The following MVB12B variants were observed in gnomAD, a reference collection of about 807,000 sequenced individuals.
MVB12B encodes the protein multivesicular body subunit 12B.
MVB12B carries 16 observed loss-of-function variants against 41.6 expected under a neutral mutation model. That is an observed-to-expected ratio of 0.38 (90% confidence interval 0.26 to 0.58). MVB12B has a LOEUF of 0.58. Ranked by LOEUF, MVB12B falls within the 20% of genes least tolerant of loss-of-function variation. MVB12B has a pLI of 0.62. For missense variants in MVB12B, 274 were observed against 380.2 expected (o/e 0.72, Z 2.32); for synonymous variants, 133 against 139.7 (o/e 0.95, Z 0.34).
chr9:126,356,969 A>G (rs1317083499), intron 2 of MVB12B, among the ~76,000 whole-genome samples: 2 of 152,004 alleles, frequency 1.3e-5, no homozygotes, highest in Admixed American at 1.3e-4. Context: ...CCTTGTCTTT[A>G]TAAATTACCT....
chr9:126,431,434 G>A lies in MVB12B; in HGVS notation c.757+9486G>A, dbSNP rs551827720. On this transcript the variant is annotated intron_variant, in intron 7 of 9. Transcript: ENST00000361171. The stretch of plus-strand genomic sequence containing the variant: ...GTACCTTTGGTTTTTTGGAGGAAAA[G>A]TGCCTGGGGGGCTGATTTCTGCTCT... Among the ~76,000 whole-genome samples the A allele has an allele frequency of 2.6e-5, 4 of 152,340 alleles. No individual in the cohort carries two copies. The East Asian group carries it at 5.8e-4, about 22-fold the overall frequency.
intron 2 of MVB12B, among the ~76,000 whole-genome samples, chr9:126,373,355 ATTGAGT>A (rs1023767935): frequency 7.2e-5 from 11 of 152,202 alleles, no homozygotes; most frequent in Non-Finnish European, 1.5e-4. Flanking sequence ...CGCTGCTCTT[ATTGAGT>A]TTAAGTGGCT....
At chr9:126,474,586 C>G (rs1408727590) in intron 7 of MVB12B, among the ~76,000 whole-genome samples, 1 of 152,204 alleles carries the variant, frequency 6.6e-6, no homozygotes, top group East Asian at 1.9e-4. Context: ...CCCTAGCTCC[C>G]CAGCAAGTCG....
chr9:126,446,916 ATTAG>A (rs201642131), intron 7 of MVB12B, among the ~76,000 whole-genome samples: 57,101 of 128,898 alleles, frequency 0.44, 11,853 homozygotes, highest in East Asian at 0.68. Flanking sequence ...TTTTATCTGT[ATTAG>A]TTCTTTTTTT....
In MVB12B at chr9:126,505,656, GTGTGTGTGTGTGTGTGTGTGTGTA is replaced by G. The variant is rs1834050657; in HGVS notation, c.*2395_*2418del. 1 of 129,696 alleles carries G rather than the reference GTGTGTGTGTGTGTGTGTGTGTGTA, an allele frequency of 7.7e-6. No individual in the cohort carries two copies. The highest frequency in any genetic ancestry group is 1.7e-5 in the Non-Finnish European group (1 of 60,516). The allele number at this position is 129,696 out of a possible 1,614,324, so 8.0% of individuals were successfully genotyped here. A position where few individuals can be genotyped will look rare whatever the true frequency, so the allele number is the denominator to read the frequency against. ...GGTGGGTGAGGACAAGCATGTGCCT[GTGTGTGTGTGTGTGTGTGTGTGTA>G]TATGTGTGTGTGTGCACGCACATGC... On this transcript the variant is annotated 3_prime_UTR_variant, in exon 10 of 10. Coordinates refer to ENST00000361171, the MANE Select transcript of MVB12B (RefSeq NM_033446.3).
chr9:126,459,809 G>A lies in MVB12B; in HGVS notation c.758-21560G>A, dbSNP rs968777536. Among the ~76,000 whole-genome samples the A allele has an allele frequency of 3.9e-5, 6 of 152,180 alleles. No individual in the cohort carries two copies. Among genetic ancestry groups the A allele is most frequent in the Admixed American group, 1.3e-4 (2 of 15,282 alleles). ...GACCTGCCACTCTCCCACAGGGGCCGCTTGTCTCACAGTCAGAATCGCCAG... is the reference window on the plus strand; with the variant it reads ...GACCTGCCACTCTCCCACAGGGGCCACTTGTCTCACAGTCAGAATCGCCAG... On this transcript the variant is annotated intron_variant, in intron 7 of 9. Coordinates refer to ENST00000361171, the MANE Select transcript of MVB12B (RefSeq NM_033446.3). The surrounding 1 kb of genome is among the most constrained non-coding windows in gnomAD (Gnocchi z 4.3).
At chr9:126,450,170 G>A (rs944659593) in intron 7 of MVB12B, among the ~76,000 whole-genome samples, 3 of 152,264 alleles carry the variant, frequency 2.0e-5, no homozygotes, top group African/African-American at 4.8e-5. Flanking sequence ...CAGGTGATGA[G>A]TCCTGCTGCT....
chr9:126,450,043 C>G (rs530869842), intron 7 of MVB12B, among the ~76,000 whole-genome samples: 96 of 152,366 alleles, frequency 6.3e-4, no homozygotes, highest in Admixed American at 5.7e-3. Context: ...CTGAGCACTC[C>G]ATGAGAGATG....
rs1260183908 is a variant in MVB12B at position 126,478,281 on chromosome 9, A to C, written c.758-3088A>C. 6.6e-6 allele frequency among the ~76,000 whole-genome samples: 1 copy of C among 152,142 alleles called. No homozygotes were observed. The highest frequency in any genetic ancestry group is 1.5e-5 in the Non-Finnish European group (1 of 68,024). On this transcript the variant is annotated intron_variant, in intron 7 of 9. Transcript: ENST00000361171. This position sits in a 1 kb window ranked among gnomAD's most constrained non-coding sequence, Gnocchi z 4.2. ...GCAGCAGGCGGGGGTAGCAGTGAGC[A>C]GGGTCCCCAGGTCCTGAGAGAGTTA...
chr9:126,374,916 T>C (rs1830437710), intron 2 of MVB12B, among the ~76,000 whole-genome samples: 1 of 152,220 alleles, frequency 6.6e-6, no homozygotes, highest in Non-Finnish European at 1.5e-5. Flanking sequence ...AAGTGATGCC[T>C]GCGTGCACAG....
At chr9:126,492,939 C>T (rs912109699) in intron 9 of MVB12B, among the ~76,000 whole-genome samples, 2 of 152,188 alleles carry the variant, frequency 1.3e-5, no homozygotes, top group South Asian at 2.1e-4. Context: ...TCTGCTCGCT[C>T]TCTGCTCAGT....
intron 7 of MVB12B, among the ~76,000 whole-genome samples, chr9:126,426,599 A>G (rs1313879646): frequency 6.6e-6 from 1 of 151,598 alleles, no homozygotes; most frequent in African/African-American, 2.4e-5. Flanking sequence ...GGATTTTTTA[A>G]TATGTTTAGA....
intron 7 of MVB12B, among the ~76,000 whole-genome samples, chr9:126,430,474 C>G (rs1269616714): frequency 2.0e-5 from 3 of 152,172 alleles, no homozygotes; most frequent in African/African-American, 4.8e-5. Flanking sequence ...TGCTGATGCT[C>G]TCTCCTGGTT....
At chr9:126,446,511 CA>C (rs34637951) in intron 7 of MVB12B, among the ~76,000 whole-genome samples, 1,683 of 113,762 alleles carry the variant, frequency 0.015, 31 homozygotes, top group East Asian at 0.062. Context: ...AAAAGAACAC[CA>C]AAAAAAAAAA....
intron 9 of MVB12B, among the ~76,000 whole-genome samples, chr9:126,496,242 T>TA (rs1833831536): frequency 2.3e-5 from 2 of 86,344 alleles, no homozygotes; most frequent in Non-Finnish European, 4.3e-5. Flanking sequence ...TACACCCACT[T>TA]ACCCAACCAT....
intron 2 of MVB12B, among the ~76,000 whole-genome samples, chr9:126,364,770 G>A (rs2118903375): frequency 6.6e-6 from 1 of 152,224 alleles, no homozygotes; most frequent in East Asian, 1.9e-4. Flanking sequence ...GTTTTGTTTT[G>A]AGATGGAGTC....
At chr9:126,414,186 G>A (rs574032285) in intron 6 of MVB12B, among the ~76,000 whole-genome samples, 10 of 152,218 alleles carry the variant, frequency 6.6e-5, no homozygotes, top group Non-Finnish European at 1.3e-4. Flanking sequence ...GCTTTTATAT[G>A]GAGCTGTCTG....
At chr9:126,482,073 C>A (rs1249349542) in intron 8 of MVB12B, among the ~76,000 whole-genome samples, 1 of 152,226 alleles carries the variant, frequency 6.6e-6, no homozygotes. Flanking sequence ...GTGAGCTGGC[C>A]GGGACCAAAG....
intron 9 of MVB12B, among the ~76,000 whole-genome samples, chr9:126,500,287 CT>C (rs1233605982): frequency 6.6e-6 from 1 of 152,214 alleles, no homozygotes; most frequent in Non-Finnish European, 1.5e-5. Context: ...TCTGGGCTTT[CT>C]CCCTCTATCA....
Sources: allele counts gnomAD v4.1 joint callset (sites outside exome capture counted in the v4.1 genomes callset), GRCh38; gene constraint gnomAD v4.1.1; non-coding constraint Gnocchi (gnomAD v3.1); transcripts MANE v1.5; gene names NCBI Gene and HGNC (gene_info 2026-07-23, HGNC 2026-07-21).